The following USP49 variants were observed in gnomAD, a reference collection of about 807,000 sequenced individuals.
USP49 encodes the protein ubiquitin carboxyl-terminal hydrolase 49.
USP49 carries 24 observed loss-of-function variants against 58.6 expected under a neutral mutation model. The observed-to-expected ratio is 0.41, with a 90% CI of 0.30 to 0.58. USP49 has a LOEUF of 0.58. Among genes scored for constraint, USP49 ranks in the 20% least tolerant of loss-of-function variants. The pLI, the probability that USP49 is intolerant of heterozygous loss-of-function variation, is 0.30. For missense variants in USP49, 703 were observed against 866.1 expected (o/e 0.81, Z 2.36); for synonymous variants, 408 against 365.1 (o/e 1.12, Z -1.34).
At chr6:41,852,082 T>C (rs922693597) in intron 3 of USP49, among the ~76,000 whole-genome samples, 1 of 151,920 alleles carries the variant, frequency 6.6e-6, no homozygotes, top group African/African-American at 2.4e-5. Context: ...TCCCAGCACT[T>C]TGGGTGGACG....
chr6:41,801,764 A>G (rs1266342356), intron 5 of USP49, among the ~76,000 whole-genome samples: 1 of 152,206 alleles, frequency 6.6e-6, no homozygotes, highest in Non-Finnish European at 1.5e-5. Context: ...GAAGACAGGT[A>G]GAAGACTGAC....
At chr6:41,870,908 A>C (rs1774402379) in intron 3 of USP49, among the ~76,000 whole-genome samples, 1 of 151,752 alleles carries the variant, frequency 6.6e-6, no homozygotes, top group Non-Finnish European at 1.5e-5. Flanking sequence ...AAAATTAGCC[A>C]GGTGTCGTGG....
intron 3 of USP49, among the ~76,000 whole-genome samples, chr6:41,860,350 A>G (rs1310883703): frequency 1.3e-5 from 2 of 152,148 alleles, no homozygotes; most frequent in Non-Finnish European, 2.9e-5. Flanking sequence ...TAATTGCAAC[A>G]TTTGAACTTT....
chr6:41,811,029 A>AT (rs1374025636), intron 3 of USP49, among the ~76,000 whole-genome samples: 2 of 152,254 alleles, frequency 1.3e-5, no homozygotes, highest in Admixed American at 1.3e-4. Flanking sequence ...GCCTAGTCCT[A>AT]TTTATGTGTG....
intron 3 of USP49, among the ~76,000 whole-genome samples, chr6:41,853,404 G>C (rs1374958306): frequency 1.3e-5 from 2 of 152,174 alleles, no homozygotes; most frequent in African/African-American, 4.8e-5. Context: ...AATGCGTATA[G>C]AGTTTCAGAT....
chr6:41,839,454 T>C (rs1180500943), intron 3 of USP49, among the ~76,000 whole-genome samples: 1 of 33,670 alleles, frequency 3.0e-5, no homozygotes, highest in Non-Finnish European at 7.0e-5. Flanking sequence ...AGAGCATAAA[T>C]AGACAATCTA....
intron 3 of USP49, among the ~76,000 whole-genome samples, chr6:41,863,334 T>C (rs571191253): frequency 6.6e-6 from 1 of 152,332 alleles, no homozygotes; most frequent in Admixed American, 6.5e-5. Flanking sequence ...CTCCCCTTGT[T>C]TCTTGACTTC....
chr6:41,805,555 C>G, intron 4 of USP49, 73 bp downstream of exon 4: 1 of 1,490,732 alleles, frequency 6.7e-7, no homozygotes, highest in South Asian at 1.3e-5. Context: ...AGCCCAATAA[C>G]CCGGGGAAGG....
chr6:41,875,947 G>T (rs925858127), intron 2 of USP49, among the ~76,000 whole-genome samples: 17 of 152,054 alleles, frequency 1.1e-4, no homozygotes, highest in African/African-American at 3.9e-4. Context: ...GGTCAGGCTG[G>T]TCTCGAACTC....
intron 2 of USP49, among the ~76,000 whole-genome samples, chr6:41,890,701 T>C (rs1379649869): frequency 1.3e-5 from 2 of 152,148 alleles, no homozygotes; most frequent in East Asian, 1.9e-4. Flanking sequence ...ATAATAATAA[T>C]ATATGGGGAA....
intron 5 of USP49, among the ~76,000 whole-genome samples, chr6:41,802,456 A>ATTTTTTTTTTTTTTTTTTTTTTTTTTT (rs1186521851): frequency 4.3e-5 from 3 of 70,294 alleles, no homozygotes; most frequent in African/African-American, 1.8e-4. Flanking sequence ...TTATTTATTT[A>ATTTTTTTTTTTTTTTTTTTTTTTTTTT]TTTATTTATT....
At chr6:41,824,751 G>A (rs1434281788) in intron 3 of USP49, among the ~76,000 whole-genome samples, 1 of 152,078 alleles carries the variant, frequency 6.6e-6, no homozygotes, top group Non-Finnish European at 1.5e-5. Flanking sequence ...CAAGCCCATA[G>A]CATCACAAAA....
At chr6:41,812,354 C>T (rs937524978) in intron 3 of USP49, among the ~76,000 whole-genome samples, 5 of 150,164 alleles carry the variant, frequency 3.3e-5, no homozygotes, top group African/African-American at 1.2e-4. Context: ...GCTGGGATTA[C>T]AGGCATGAGC....
intron 3 of USP49, among the ~76,000 whole-genome samples, chr6:41,852,049 G>A (rs1043515759): frequency 2.7e-4 from 41 of 151,872 alleles, no homozygotes; most frequent in African/African-American, 9.7e-4. Context: ...GGCCGGGCAC[G>A]GTGGCTCACA....
intron 1 of USP49, among the ~76,000 whole-genome samples, chr6:41,893,639 T>C (rs1774844991): frequency 1.3e-5 from 2 of 152,056 alleles, no homozygotes; most frequent in African/African-American, 4.8e-5. Flanking sequence ...ATGCAGAGGT[T>C]TTCAACACCC....
At chr6:41,886,320 A>G (rs1774710169) in intron 2 of USP49, 1 of 152,256 alleles carries the variant, frequency 6.6e-6, no homozygotes, top group Non-Finnish European at 1.5e-5. Context: ...CACATACTCT[A>G]TGAATGCTTA....
intron 2 of USP49, among the ~76,000 whole-genome samples, chr6:41,875,519 A>G (rs1055978793): frequency 6.6e-6 from 1 of 152,234 alleles, no homozygotes; most frequent in Non-Finnish European, 1.5e-5. Context: ...GCTTCAATAA[A>G]TACTGACCAA....
chr6:41,881,232 C>T (rs1774599874), intron 2 of USP49, among the ~76,000 whole-genome samples: 3 of 141,612 alleles, frequency 2.1e-5, no homozygotes. Flanking sequence ...CTGCCCGGCC[C>T]CTACGCAGAT....
chr6:41,792,387 C>T lies in USP49; in HGVS notation c.*4146G>A, dbSNP rs1305952877. On this transcript the variant is annotated 3_prime_UTR_variant, in exon 8 of 8. Transcript: ENST00000682992. ...TGTTTGACTTCTGCTATATGTTGCCCAGCATTAGTCATTGTTTTGATAAAG... is the reference window on the plus strand; with the variant it reads ...TGTTTGACTTCTGCTATATGTTGCCTAGCATTAGTCATTGTTTTGATAAAG... The T allele has an allele frequency of 6.6e-6, 1 of 152,160 alleles. No homozygotes were observed. The highest frequency in any genetic ancestry group is 2.4e-5 in the African/African-American group (1 of 41,430). The allele number at this position is 152,160 out of a possible 1,614,324, so 9.4% of individuals were successfully genotyped here.
Sources: gnomAD v4.1 joint callset for allele counts (sites outside exome capture counted in the v4.1 genomes callset) on GRCh38, gnomAD v4.1.1 for gene constraint, MANE v1.5 for transcripts, NCBI Gene and HGNC (gene_info 2026-07-23, HGNC 2026-07-21) for gene names.